FXYD6: variants seen among roughly 807,000 people sequenced by gnomAD.
FXYD6 encodes the protein FXYD domain-containing ion transport regulator 6.
In FXYD6, 7 loss-of-function variants were observed where a neutral mutation model predicts 16.7. That is an observed-to-expected ratio of 0.42 (90% CI 0.24 to 0.79). The LOEUF is 0.79. Among genes scored for constraint, FXYD6 ranks in the 30% least tolerant of loss-of-function variants. The probability of loss-of-function intolerance (pLI) is 0.28; values close to 1 mark genes in which losing one functional copy is unlikely to be tolerated. For synonymous variants in FXYD6, 49 were observed against 43.0 expected (o/e 1.14, Z -0.54); for missense variants, 111 against 116.2 (o/e 0.95, Z 0.21).
chr11:117,841,279 C>T, intron 4 of FXYD6, 95 bp from the exon 5 acceptor site: 4 of 1,551,576 alleles, frequency 2.6e-6, no homozygotes, highest in South Asian at 2.3e-5. Context: ...TAAATGGCAC[C>T]CCCTAGACCT....
intron 1 of FXYD6, among the ~76,000 whole-genome samples, chr11:117,854,056 C>T (rs952666965): frequency 3.9e-5 from 6 of 152,238 alleles, no homozygotes; most frequent in African/African-American, 1.4e-4. Flanking sequence ...CTCCCTCCCT[C>T]TCTCCTTCTC....
intron 1 of FXYD6, among the ~76,000 whole-genome samples, chr11:117,852,829 T>C (rs968776425): frequency 6.6e-5 from 10 of 152,376 alleles, no homozygotes; most frequent in African/African-American, 2.2e-4. Context: ...CTTCCTTCTC[T>C]ATGCTACATT....
chr11:117,868,068 G>A (rs373509352), intron 1 of FXYD6, among the ~76,000 whole-genome samples: 11 of 152,270 alleles, frequency 7.2e-5, no homozygotes, highest in African/African-American at 2.2e-4. Flanking sequence ...AGCGCCTGTC[G>A]CCTGTCGTTG....
At chr11:117,838,467 G>A (rs913579579) in intron 7 of FXYD6, 190 bp from the exon 8 acceptor site, 7 of 607,790 alleles carry the variant, frequency 1.2e-5, no homozygotes, top group African/African-American at 5.6e-5. Context: ...AGGTGGGCTG[G>A]AGCCTGGCAG....
chr11:117,841,471 T>A (rs2134134798), intron 4 of FXYD6: 1 of 587,044 alleles, frequency 1.7e-6, no homozygotes, highest in Middle Eastern at 4.6e-4. Context: ...CGGAGGCACA[T>A]CCCTCGCACA....
At position 117,872,747 on chromosome 11, in the gene FXYD6, C is replaced by G. The variant is rs73586997; in HGVS notation, c.-6+3845G>C. Among the ~76,000 whole-genome samples the G allele has an allele frequency of 6.6e-6, 1 of 152,200 alleles. No individual in the cohort carries two copies. The highest frequency in any genetic ancestry group is 1.5e-5 in the Non-Finnish European group (1 of 68,042). Reference sequence around the variant, plus strand: ...CATCTTTGTAACAAACATGTTCCTGCGCAGCCTACAAGCTGGCTTCATCCC... The same window carrying G: ...CATCTTTGTAACAAACATGTTCCTGGGCAGCCTACAAGCTGGCTTCATCCC... On this transcript the variant is annotated intron_variant, in intron 1 of 7. Coordinates refer to ENST00000526014, the MANE Select transcript of FXYD6 (RefSeq NM_022003.4). This position sits in a 1 kb window ranked among gnomAD's most constrained non-coding sequence, Gnocchi z 4.9.
At chr11:117,843,240 T>A (rs2056398164) in intron 1 of FXYD6, among the ~76,000 whole-genome samples, 1 of 152,230 alleles carries the variant, frequency 6.6e-6, no homozygotes, top group East Asian at 1.9e-4. Context: ...TTGACATTTC[T>A]TGGACTCTTA....
At chr11:117,875,434 G>T (rs1457624010) in intron 1 of FXYD6, among the ~76,000 whole-genome samples, 7 of 152,006 alleles carry the variant, frequency 4.6e-5, no homozygotes. Context: ...GAGGGGAGGA[G>T]ATATGGAGGT....
intron 1 of FXYD6, among the ~76,000 whole-genome samples, chr11:117,860,466 T>C (rs2056879089): frequency 6.6e-6 from 1 of 152,228 alleles, no homozygotes; most frequent in Non-Finnish European, 1.5e-5. Context: ...TCTAGCTTCA[T>C]ACATATTCGT....
intron 6 of FXYD6, 153 bp downstream of exon 6, chr11:117,840,166 G>A: frequency 1.1e-6 from 1 of 910,466 alleles, no homozygotes. Context: ...TGGAGTGAGG[G>A]GGCAATGCTG....
intron 1 of FXYD6, among the ~76,000 whole-genome samples, chr11:117,856,877 A>T (rs186196441): frequency 1.8e-4 from 28 of 152,272 alleles, no homozygotes; most frequent in African/African-American, 6.7e-4. Flanking sequence ...GGGGCAGGGC[A>T]GGGCTCAGAA....
chr11:117,861,048 C>CG (rs1018884363), intron 1 of FXYD6, among the ~76,000 whole-genome samples: 3 of 152,170 alleles, frequency 2.0e-5, no homozygotes, highest in Non-Finnish European at 2.9e-5. Context: ...TCTGTGGCCT[C>CG]GGGAGCGTTA....
At chr11:117,875,425 A>C (rs1256504107) in intron 1 of FXYD6, among the ~76,000 whole-genome samples, 1 of 151,510 alleles carries the variant, frequency 6.6e-6, no homozygotes, top group East Asian at 1.9e-4. Flanking sequence ...TACTGGGGGG[A>C]GGGGAGGAGA....
intron 1 of FXYD6, among the ~76,000 whole-genome samples, chr11:117,854,117 T>C (rs1427315096): frequency 6.6e-6 from 1 of 152,026 alleles, no homozygotes; most frequent in African/African-American, 2.4e-5. Context: ...CATCTCCAAA[T>C]TACACCTGCT....
chr11:117,844,478 A>G (rs183818375), intron 1 of FXYD6, among the ~76,000 whole-genome samples: 1 of 152,002 alleles, frequency 6.6e-6, no homozygotes, highest in Admixed American at 6.5e-5. Flanking sequence ...CCAAAAATAT[A>G]TATTTTTATT....
chr11:117,857,766 G>A (rs1486324555), intron 1 of FXYD6, among the ~76,000 whole-genome samples: 1 of 152,118 alleles, frequency 6.6e-6, no homozygotes, highest in African/African-American at 2.4e-5. Flanking sequence ...GAGGAAAATA[G>A]GGGGAGAGTG....
rs577564132 is a variant in FXYD6 at position 117,872,050 on chromosome 11, A to C, written c.-6+4542T>G. On this transcript the variant is annotated intron_variant, in intron 1 of 7. Transcript: ENST00000526014. This position sits in a 1 kb window ranked among gnomAD's most constrained non-coding sequence, Gnocchi z 4.9. ...CATGTACCTGTGCTTATTAATAGGC[A>C]CTGGTGAGCCTGGGGAGGTTTTTGA... Among the ~76,000 whole-genome samples the C allele has an allele frequency of 6.6e-6, 1 of 152,270 alleles. No individual in the cohort carries two copies. Among genetic ancestry groups the C allele is most frequent in the East Asian group, 1.9e-4 (1 of 5,178 alleles).
chr11:117,874,287 C>T (rs1252194664), intron 1 of FXYD6, among the ~76,000 whole-genome samples: 3 of 152,184 alleles, frequency 2.0e-5, no homozygotes, highest in East Asian at 1.9e-4. Flanking sequence ...TCTGAAGATC[C>T]GATGGAAGCC....
chr11:117,839,856 T>C (rs751889657), intron 6 of FXYD6, 26 bp from the exon 7 acceptor site: 4 of 1,614,024 alleles, frequency 2.5e-6, no homozygotes, highest in Admixed American at 3.3e-5. Flanking sequence ...GAATGGATTA[T>C]AGTGTATAGA....
Sources: gnomAD v4.1 joint callset for allele counts (sites outside exome capture counted in the v4.1 genomes callset) on GRCh38, gnomAD v4.1.1 for gene constraint, Gnocchi (gnomAD v3.1) non-coding constraint, MANE v1.5 for transcripts, NCBI Gene and HGNC (gene_info 2026-07-23, HGNC 2026-07-21) for gene names.